CTNNA2: variants seen among roughly 807,000 people sequenced by gnomAD.
CTNNA2 encodes catenin alpha 2.
CTNNA2 carries 42 observed loss-of-function variants against 101.0 expected under a neutral mutation model. That is an observed-to-expected ratio of 0.42 (90% CI 0.32 to 0.54). The LOEUF is 0.54. Among genes scored for constraint, CTNNA2 ranks in the 20% least tolerant of loss-of-function variants. CTNNA2 has a pLI of 0.14. For missense variants in CTNNA2, 871 were observed against 1,223.1 expected (o/e 0.71, Z 4.29); for synonymous variants, 450 against 456.4 (o/e 0.99, Z 0.18).
At chr2:79,884,468 T>C (rs765781798) in intron 6 of CTNNA2, among the ~76,000 whole-genome samples, 69 of 152,306 alleles carry the variant, frequency 4.5e-4, no homozygotes, top group Non-Finnish European at 7.8e-4. Flanking sequence ...ACAAAATTGA[T>C]AGGCTTTTAT....
intron 7 of CTNNA2, among the ~76,000 whole-genome samples, chr2:80,217,247 C>A (rs1708325644): frequency 6.6e-6 from 1 of 152,024 alleles, no homozygotes; most frequent in Non-Finnish European, 1.5e-5. Flanking sequence ...GCTAAGCAGG[C>A]AAAGCTTAAA....
intron 3 of CTNNA2, among the ~76,000 whole-genome samples, chr2:79,351,985 T>A (rs911789182): frequency 6.6e-6 from 1 of 152,202 alleles, no homozygotes; most frequent in Admixed American, 6.5e-5. Context: ...CTCAGTTCTT[T>A]GAGAAATCTC....
At chr2:79,965,174 AAC>A (rs769892010) in intron 7 of CTNNA2, among the ~76,000 whole-genome samples, 15 of 152,292 alleles carry the variant, frequency 9.8e-5, no homozygotes, top group Non-Finnish European at 2.1e-4. Flanking sequence ...CACTCCCTGT[AAC>A]ACATCGTGGG....
chr2:79,835,684 T>TTTTTTTTGTTTGTTTG (rs1679299206), intron 3 of CTNNA2, among the ~76,000 whole-genome samples: 6 of 132,872 alleles, frequency 4.5e-5, no homozygotes, highest in African/African-American at 1.4e-4. Context: ...TTTTTTTTTT[T>TTTTTTTTGTTTGTTTG]TTTTTTTTTT....
intron 3 of CTNNA2, among the ~76,000 whole-genome samples, chr2:79,780,392 C>T (rs1484245193): frequency 6.6e-5 from 10 of 152,168 alleles, no homozygotes; most frequent in African/African-American, 2.4e-4. Flanking sequence ...CATTTGACTA[C>T]CAGACATCTG....
chr2:79,850,902 T>A (rs189370311), intron 3 of CTNNA2, among the ~76,000 whole-genome samples: 50 of 152,304 alleles, frequency 3.3e-4, no homozygotes, highest in African/African-American at 1.2e-3. Context: ...TAAGTCCAGA[T>A]AGATACAGCC....
At chr2:79,958,677 A>G (rs1313439581) in intron 7 of CTNNA2, among the ~76,000 whole-genome samples, 2 of 152,226 alleles carry the variant, frequency 1.3e-5, no homozygotes, top group East Asian at 1.9e-4. Flanking sequence ...AAATAAGTCT[A>G]TAAGATAATA....
chr2:79,511,561 T>C (rs1390563003), upstream of CTNNA2, among the ~76,000 whole-genome samples: 1 of 152,134 alleles, frequency 6.6e-6, no homozygotes, highest in Non-Finnish European at 1.5e-5. Flanking sequence ...CTAAGATTCT[T>C]CTTAAGCCAA....
chr2:79,982,516 C>T (rs1194962445), intron 7 of CTNNA2, among the ~76,000 whole-genome samples: 1 of 150,966 alleles, frequency 6.6e-6, no homozygotes, highest in African/African-American at 2.4e-5. Flanking sequence ...CGCACACACA[C>T]ACATATATAT....
At chr2:79,556,736 A>C (rs1674471197) in intron 1 of CTNNA2, among the ~76,000 whole-genome samples, 1 of 152,046 alleles carries the variant, frequency 6.6e-6, no homozygotes, top group Non-Finnish European at 1.5e-5. Context: ...CTAGCTGTAA[A>C]TACTGCCTCC....
chr2:79,226,620 A>G (rs1288442061), intron 2 of CTNNA2, among the ~76,000 whole-genome samples: 8 of 152,140 alleles, frequency 5.3e-5, no homozygotes, highest in Admixed American at 5.2e-4. Context: ...CACCTCAATC[A>G]ATATATTTCT....
At chr2:80,229,535 G>T (rs1406181248) in intron 7 of CTNNA2, among the ~76,000 whole-genome samples, 1 of 151,758 alleles carries the variant, frequency 6.6e-6, no homozygotes, top group Non-Finnish European at 1.5e-5. Context: ...GATGGGTGCA[G>T]AGCTGTCATG....
intron 7 of CTNNA2, among the ~76,000 whole-genome samples, chr2:80,099,752 C>T (rs1700421738): frequency 1.7e-5 from 1 of 59,614 alleles, no homozygotes; most frequent in Non-Finnish European, 3.7e-5. Context: ...TTACTCTTTC[C>T]TTCAAAAAAA....
At chr2:79,586,655 A>T (rs1315526082) in intron 1 of CTNNA2, among the ~76,000 whole-genome samples, 2 of 151,476 alleles carry the variant, frequency 1.3e-5, no homozygotes, top group East Asian at 3.9e-4. Context: ...AAAGATTTGA[A>T]TTTTTTTTAA....
intron 3 of CTNNA2, among the ~76,000 whole-genome samples, chr2:79,807,076 C>T (rs1676637518): frequency 2.6e-5 from 4 of 152,106 alleles, no homozygotes; most frequent in Admixed American, 6.6e-5. Flanking sequence ...TCTTACACTT[C>T]CAGGCCACCT....
At chr2:79,765,431 G>A (rs947120226) in intron 3 of CTNNA2, among the ~76,000 whole-genome samples, 1 of 151,974 alleles carries the variant, frequency 6.6e-6, no homozygotes, top group Non-Finnish European at 1.5e-5. Flanking sequence ...TTCCTTTACT[G>A]AAGTGGTTTT....
intron 7 of CTNNA2, among the ~76,000 whole-genome samples, chr2:80,190,056 A>G (rs1466580803): frequency 6.6e-6 from 1 of 152,048 alleles, no homozygotes; most frequent in African/African-American, 2.4e-5. Context: ...CTGGTTTTAG[A>G]GATTCAATGT....
intron 2 of CTNNA2, among the ~76,000 whole-genome samples, chr2:79,733,487 GGT>G (rs374329390): frequency 1.3e-5 from 2 of 151,414 alleles, no homozygotes; most frequent in East Asian, 3.9e-4. Flanking sequence ...TCTGTGCATA[GGT>G]GTGTGTGTGT....
chr2:79,602,138 C>T (rs930541592), intron 1 of CTNNA2, among the ~76,000 whole-genome samples: 2 of 152,134 alleles, frequency 1.3e-5, no homozygotes, highest in African/African-American at 4.8e-5. Context: ...GTTGAACCAT[C>T]CTAAGCCAGA....
Sources: gnomAD v4.1 joint callset for allele counts (sites outside exome capture counted in the v4.1 genomes callset) on GRCh38, gnomAD v4.1.1 for gene constraint, MANE v1.5 for transcripts, NCBI Gene and HGNC (gene_info 2026-07-23, HGNC 2026-07-21) for gene names.